PKHD1: variants seen among roughly 807,000 people sequenced by gnomAD.
PKHD1 encodes PKHD1 ciliary IPT domain containing fibrocystin/polyductin, also known as fibrocystin.
In PKHD1, 291 loss-of-function variants were observed where a neutral mutation model predicts 412.0. The ratio of observed to expected loss-of-function variants is 0.71; its 90% CI spans 0.64 to 0.78. The LOEUF is 0.78. Ranked by LOEUF, PKHD1 falls within the 30% of genes least tolerant of loss-of-function variation. The pLI, the probability that PKHD1 is intolerant of heterozygous loss-of-function variation, is 0.00. For missense variants in PKHD1, 4,825 were observed against 4,950.7 expected, an observed-to-expected ratio of 0.97 and a Z score of 0.76; for synonymous variants, 1,777 against 1,821.5, an observed-to-expected ratio of 0.98 and a Z score of 0.62.
chr6:51,881,412 G>A (rs1480661116), intron 46 of PKHD1, among the ~76,000 whole-genome samples: 1 of 152,056 alleles, frequency 6.6e-6, no homozygotes. Flanking sequence ...TATCTCTAAT[G>A]CTTATGTTGT....
chr6:52,049,860 C>T (rs1432667218), intron 22 of PKHD1, among the ~76,000 whole-genome samples: 2 of 152,170 alleles, frequency 1.3e-5, no homozygotes, highest in Non-Finnish European at 2.9e-5. Context: ...CTAACTGACT[C>T]GGAATTAGTT....
At chr6:51,721,060 A>C in intron 60 of PKHD1, 1 of 983,336 alleles carries the variant, frequency 1.0e-6, no homozygotes, top group South Asian at 4.7e-5. Context: ...GCTCTGGGGG[A>C]ACCAATTCCT....
chr6:51,689,142 T>A (rs1429969850), intron 60 of PKHD1, among the ~76,000 whole-genome samples: 1 of 151,962 alleles, frequency 6.6e-6, no homozygotes, highest in Non-Finnish European at 1.5e-5. Context: ...CAAAAGCTTA[T>A]CCATCAAGAT....
chr6:51,926,394 G>C (rs1189045343), intron 37 of PKHD1, among the ~76,000 whole-genome samples: 3 of 151,942 alleles, frequency 2.0e-5, no homozygotes, highest in African/African-American at 7.3e-5. Context: ...AGTTATATGA[G>C]GCAATAAGTG....
At chr6:51,959,810 C>T in intron 36 of PKHD1, 60 bp downstream of exon 36, 2 of 1,439,174 alleles carry the variant, frequency 1.4e-6, no homozygotes, top group Non-Finnish European at 2.0e-6. Context: ...CCTCCTCCAT[C>T]CCCCCTACAA....
intron 1 of PKHD1, among the ~76,000 whole-genome samples, chr6:52,086,651 G>T (rs1315163154): frequency 6.6e-6 from 1 of 152,142 alleles, no homozygotes; most frequent in Non-Finnish European, 1.5e-5. Flanking sequence ...TATACTAAAA[G>T]TTGGGAAAAC....
intron 51 of PKHD1, among the ~76,000 whole-genome samples, chr6:51,835,992 A>G (rs1769135207): frequency 6.6e-6 from 1 of 152,154 alleles, no homozygotes. Flanking sequence ...ATTTCATAGA[A>G]CCATCTGACT....
intron 43 of PKHD1, among the ~76,000 whole-genome samples, chr6:51,898,160 G>A (rs867616612): frequency 4.9e-4 from 74 of 152,194 alleles, no homozygotes; most frequent in African/African-American, 1.6e-3. Flanking sequence ...TGCACCAAGC[G>A]AACCTAATAG....
chr6:51,867,176 G>T (rs1170983888), intron 48 of PKHD1, among the ~76,000 whole-genome samples: 1 of 152,102 alleles, frequency 6.6e-6, no homozygotes, highest in East Asian at 1.9e-4. Context: ...AATAAGTGTG[G>T]CTAAATATAT....
At chr6:51,799,856 A>T (rs1762635014) in intron 52 of PKHD1, among the ~76,000 whole-genome samples, 1 of 152,234 alleles carries the variant, frequency 6.6e-6, no homozygotes, top group Non-Finnish European at 1.5e-5. Context: ...ATAGTTATTT[A>T]TACAACTTAC....
chr6:51,721,089 T>G (rs1781870641), intron 60 of PKHD1: 1 of 984,422 alleles, frequency 1.0e-6, no homozygotes, highest in Non-Finnish European at 1.2e-6. Context: ...ACTGTATCTG[T>G]AACTATTTCC....
chr6:51,818,847 T>C (rs964796097), intron 52 of PKHD1, among the ~76,000 whole-genome samples: 7 of 152,070 alleles, frequency 4.6e-5, no homozygotes, highest in Admixed American at 2.0e-4. Context: ...CCGAGTGACT[T>C]TGGAAATAGA....
At chr6:51,919,421 C>T (rs1784340033) in intron 37 of PKHD1, among the ~76,000 whole-genome samples, 1 of 152,146 alleles carries the variant, frequency 6.6e-6, no homozygotes, top group South Asian at 2.1e-4. Context: ...TCAGGTTTGT[C>T]AAAGATCAGA....
chr6:51,747,951 T>G lies in PKHD1; in HGVS notation c.9665A>C (p.His3222Pro). The change falls in exon 58 of 67, where the codon CAC becomes CCC. Residue 3222 changes from histidine (H) to proline (P), a missense_variant. His to Pro is a moderately conservative substitution (Grantham distance 77). Transcript: ENST00000371117. Reference protein sequence around the residue: ...FDCIQDKVKPHSANLTSTDRA... With the variant: ...FDCIQDKVKPPSANLTSTDRA... ...ATCTGTTGATGTCAAGTTGGCTGAG[T>G]GCGGCTTCACTTTGTCCTGAATGCA... The G allele has an allele frequency of 1.2e-6, 2 of 1,614,028 alleles. No individual in the cohort carries two copies. The highest frequency in any genetic ancestry group is 1.7e-6 in the Non-Finnish European group (2 of 1,179,976).
chr6:52,024,543 G>T, intron 32 of PKHD1, 31 bp downstream of exon 32: 2 of 1,578,578 alleles, frequency 1.3e-6, no homozygotes, highest in Non-Finnish European at 1.7e-6. Context: ...TTTACATAAA[G>T]AAAGTGTGCT....
chr6:51,659,232 T>C lies in PKHD1; in HGVS notation c.10894A>G (p.Arg3632Gly). 9.3e-6 allele frequency: 15 copies of C among 1,613,892 alleles called. No homozygotes were observed. The highest frequency in any genetic ancestry group is 1.2e-5 in the Non-Finnish European group (14 of 1,179,904). The change falls in exon 61 of 67, where the codon AGA becomes GGA. Residue 3632 changes from arginine to glycine, a missense_variant. Arg to Gly is a moderately radical substitution (Grantham distance 125, BLOSUM62 -2). Coordinates refer to ENST00000371117, the MANE Select transcript of PKHD1 (RefSeq NM_138694.4). ...AGAGGCCTACGTTGACCAACTCTTC[T>C]ATAATGACTAGTGCAAGTCACAGTA... is the stretch of plus-strand genomic sequence containing the variant. ...CPTVTCTSHY[R>G]RVGQRRPLMM...
chr6:51,992,314 C>T (rs941421193), intron 35 of PKHD1, among the ~76,000 whole-genome samples: 1 of 152,092 alleles, frequency 6.6e-6, no homozygotes, highest in South Asian at 2.1e-4. Flanking sequence ...GTATTGAATA[C>T]CCTAATATGT....
intron 36 of PKHD1, among the ~76,000 whole-genome samples, chr6:51,939,048 G>A (rs1343778188): frequency 6.6e-6 from 1 of 151,506 alleles, no homozygotes; most frequent in African/African-American, 2.4e-5. Context: ...TAATCATGCG[G>A]GGATGTCTGC....
chr6:51,769,159 T>A (rs1789629296), intron 55 of PKHD1, among the ~76,000 whole-genome samples: 1 of 151,536 alleles, frequency 6.6e-6, no homozygotes, highest in African/African-American at 2.4e-5. Context: ...TTTTAGTAGC[T>A]ATAAACAAGT....
Sources: allele counts gnomAD v4.1 joint callset (sites outside exome capture counted in the v4.1 genomes callset), GRCh38; gene constraint gnomAD v4.1.1; transcripts MANE v1.5; gene names NCBI Gene and HGNC (gene_info 2026-07-23, HGNC 2026-07-21).